The following RAD52 variants were observed in gnomAD, a reference collection of about 807,000 sequenced individuals.
RAD52 encodes the protein RAD52 DNA repair protein.
In RAD52, 47 loss-of-function variants were observed where a neutral mutation model predicts 55.5. The ratio of observed to expected loss-of-function variants is 0.85; its 90% CI spans 0.67 to 1.08. The LOEUF (loss-of-function observed/expected upper bound fraction) is 1.08, where lower values mean the gene tolerates loss of function less well. Among genes scored for constraint, RAD52 ranks in the 50% least tolerant of loss-of-function variants. The probability of loss-of-function intolerance (pLI) is 0.00; values close to 1 mark genes in which losing one functional copy is unlikely to be tolerated. For synonymous variants in RAD52, 184 were observed against 198.9 expected (o/e 0.92, Z 0.63); for missense variants, 468 against 522.8 (o/e 0.90, Z 1.02).
chr12:982,149 T>C (rs1292113509), intron 1 of RAD52, among the ~76,000 whole-genome samples: 3 of 152,224 alleles, frequency 2.0e-5, no homozygotes, highest in Admixed American at 2.0e-4. Flanking sequence ...GCCAGATAAC[T>C]CTGTTGCCTC....
At chr12:951,853 CCTT>C (rs1422375993), upstream of RAD52, among the ~76,000 whole-genome samples, 4 of 152,048 alleles carry the variant, frequency 2.6e-5, no homozygotes, top group Non-Finnish European at 4.4e-5. Flanking sequence ...TCTAAGAACT[CCTT>C]TAGCTGAATT....
At chr12:913,483 T>G in intron 11 of RAD52, 31 bp from the exon 12 acceptor site, 1 of 1,469,236 alleles carries the variant, frequency 6.8e-7, no homozygotes, top group Non-Finnish European at 9.5e-7. Flanking sequence ...TAAATGTAGC[T>G]GCCATAATTT....
At chr12:955,350 T>C (rs1371008398) in intron 1 of RAD52, among the ~76,000 whole-genome samples, 1 of 152,202 alleles carries the variant, frequency 6.6e-6, no homozygotes, top group African/African-American at 2.4e-5. Context: ...AGGTTTAGTG[T>C]GTGCCGACTG....
intron 1 of RAD52, among the ~76,000 whole-genome samples, chr12:965,902 T>C (rs12316949): frequency 0.046 from 6,947 of 152,090 alleles, 601 homozygotes; most frequent in African/African-American, 0.16. Context: ...GCCAGGCTGA[T>C]CTCGAACTGC....
chr12:972,065 T>A (rs978632226), intron 1 of RAD52, among the ~76,000 whole-genome samples: 1 of 152,130 alleles, frequency 6.6e-6, no homozygotes, highest in Non-Finnish European at 1.5e-5. Context: ...AGAGGGGAAT[T>A]AATCACAAAA....
At chr12:922,237 T>C (rs922343211) in intron 7 of RAD52, among the ~76,000 whole-genome samples, 1 of 122,000 alleles carries the variant, frequency 8.2e-6, no homozygotes, top group African/African-American at 3.2e-5. Flanking sequence ...AAATAACAAG[T>C]GCTGGTTAGG....
chr12:937,430 T>C (rs1957696574), intron 1 of RAD52, among the ~76,000 whole-genome samples: 1 of 151,840 alleles, frequency 6.6e-6, no homozygotes, highest in African/African-American at 2.4e-5. Context: ...CCTTCAGCTT[T>C]TTTTTTTTTC....
chr12:941,482 C>A (rs949171927), intron 1 of RAD52, among the ~76,000 whole-genome samples: 2 of 151,908 alleles, frequency 1.3e-5, no homozygotes, highest in Non-Finnish European at 2.9e-5. Flanking sequence ...CCATGCCTGG[C>A]AAATTTTGTA....
chr12:950,571 C>CAAAAAAA (rs763764449), upstream of RAD52, among the ~76,000 whole-genome samples: 2 of 132,016 alleles, frequency 1.5e-5, no homozygotes, highest in African/African-American at 5.8e-5. Flanking sequence ...GGCTCCGTCT[C>CAAAAAAA]AAAAAAAAAA....
At chr12:930,182 ATTCC>A in intron 3 of RAD52, 38 bp from the exon 4 acceptor site, 1 of 1,447,984 alleles carries the variant, frequency 6.9e-7, no homozygotes, top group Non-Finnish European at 9.6e-7. Flanking sequence ...AGCTGTGTTA[ATTCC>A]TTACCACACT....
upstream of RAD52, among the ~76,000 whole-genome samples, chr12:954,468 C>CA (rs1297724377): frequency 4.6e-5 from 7 of 152,062 alleles, no homozygotes; most frequent in African/African-American, 1.2e-4. Context: ...CCTGTCTCTA[C>CA]AAAAAATACA....
chr12:965,003 G>A lies in RAD52; in HGVS notation c.-19+24806C>T, dbSNP rs796675463. Among the ~76,000 whole-genome samples the A allele has an allele frequency of 2.6e-5, 4 of 151,034 alleles. No individual in the cohort carries two copies. The South Asian group carries it at 8.4e-4, about 32-fold the overall frequency. Reference sequence around the variant, plus strand: ...CCTTTTTGATGTTTTGTTTTTAGACGGAGTCTCACTCTCTTGCCTAGGCTG... The same window carrying A: ...CCTTTTTGATGTTTTGTTTTTAGACAGAGTCTCACTCTCTTGCCTAGGCTG... On this transcript the variant is annotated intron_variant, in intron 1 of 11. Coordinates refer to the RAD52 transcript ENST00000430095.
chr12:985,999 A>G (rs1249026345), intron 1 of RAD52, among the ~76,000 whole-genome samples: 1 of 147,372 alleles, frequency 6.8e-6, no homozygotes, highest in Non-Finnish European at 1.5e-5. Context: ...CAATGGCGCA[A>G]TCTCAGCTCA....
At chr12:965,423 G>C (rs1028252884) in intron 1 of RAD52, among the ~76,000 whole-genome samples, 14 of 152,114 alleles carry the variant, frequency 9.2e-5, no homozygotes, top group Non-Finnish European at 1.9e-4. Flanking sequence ...GATGCGTACA[G>C]GTTCATCTAT....
In RAD52 at chr12:965,847, T is replaced by C. The variant is rs948686851; in HGVS notation, c.-19+23962A>G. ...GATTACACATATGCACCACCACACC[T>C]GGCTAATTTTTGTATTTTTAGTAGA... On this transcript the variant is annotated intron_variant, in intron 1 of 11. Transcript: ENST00000430095. 1.1e-4 allele frequency among the ~76,000 whole-genome samples: 17 copies of C among 151,960 alleles called. 1 individual carries two copies. Among genetic ancestry groups the C allele is most frequent in the South Asian group, 2.1e-4 (1 of 4,830 alleles).
At chr12:939,086 A>C (rs868242561) in intron 1 of RAD52, among the ~76,000 whole-genome samples, 1 of 29,338 alleles carries the variant, frequency 3.4e-5, no homozygotes, top group Non-Finnish European at 7.9e-5. Context: ...GTGTGTGTGT[A>C]GAGAGAGAGA....
At chr12:974,627 TCTC>T (rs1407230044) in intron 1 of RAD52, 1 of 152,180 alleles carries the variant, frequency 6.6e-6, no homozygotes, top group African/African-American at 2.4e-5. Flanking sequence ...AAATCAGTAT[TCTC>T]CTCCTTGCAG....
chr12:948,050 A>G (rs935602374), intron 1 of RAD52, among the ~76,000 whole-genome samples: 2 of 151,726 alleles, frequency 1.3e-5, no homozygotes, highest in Non-Finnish European at 2.9e-5. Context: ...AGACCTAGAA[A>G]GCCTAGAAAA....
chr12:976,705 G>C (rs922780153), intron 1 of RAD52: 21 of 152,148 alleles, frequency 1.4e-4, no homozygotes, highest in Admixed American at 1.4e-3. Context: ...GATGAGACAG[G>C]CTCTAATTCC....
Sources: allele counts gnomAD v4.1 joint callset (sites outside exome capture counted in the v4.1 genomes callset), GRCh38; gene constraint gnomAD v4.1.1; transcripts MANE v1.5; gene names NCBI Gene and HGNC (gene_info 2026-07-23, HGNC 2026-07-21).